Variants in TACR1 observed in about 807,000 individuals in gnomAD.
TACR1 encodes the protein substance-P receptor.
In TACR1, 25 loss-of-function variants were observed where a neutral mutation model predicts 35.8. The observed-to-expected ratio is 0.70, with a 90% CI of 0.51 to 0.98. The LOEUF is 0.98. Among genes scored for constraint, TACR1 ranks in the 50% least tolerant of loss-of-function variants. The pLI is 0.00. For missense variants in TACR1, 478 were observed against 522.9 expected, an observed-to-expected ratio of 0.91 and a Z score of 0.84; for synonymous variants, 195 against 206.7, an observed-to-expected ratio of 0.94 and a Z score of 0.48.
intron 1 of TACR1, among the ~76,000 whole-genome samples, chr2:75,141,539 A>AC (rs1172807841): frequency 1.3e-5 from 2 of 151,924 alleles, no homozygotes; most frequent in African/African-American, 4.8e-5. Context: ...GAAAAAAAAA[A>AC]AAACTCAAAG....
chr2:75,180,917 A>T (rs191858655), intron 1 of TACR1, among the ~76,000 whole-genome samples: 2 of 152,356 alleles, frequency 1.3e-5, no homozygotes, highest in African/African-American at 4.8e-5. Flanking sequence ...TGGATATTGC[A>T]GACATTTTAC....
At chr2:75,080,578 C>G (rs900129543) in intron 2 of TACR1, among the ~76,000 whole-genome samples, 1 of 152,174 alleles carries the variant, frequency 6.6e-6, no homozygotes, top group Non-Finnish European at 1.5e-5. Context: ...AGAGCCATCA[C>G]TTGGTTTAGG....
At chr2:75,187,178 C>G (rs78406986) in intron 1 of TACR1, 11,454 of 152,320 alleles carry the variant, frequency 0.075, 478 homozygotes, top group African/African-American at 0.098. Context: ...ACAGTCCCTT[C>G]TTAACATCCT....
intron 2 of TACR1, among the ~76,000 whole-genome samples, chr2:75,086,416 G>A (rs912840754): frequency 1.3e-5 from 2 of 152,192 alleles, no homozygotes; most frequent in African/African-American, 4.8e-5. Flanking sequence ...TATCATGCCT[G>A]TTTTATAAAG....
chr2:75,139,950 A>G (rs1186910688), intron 1 of TACR1, among the ~76,000 whole-genome samples: 1 of 152,356 alleles, frequency 6.6e-6, no homozygotes, highest in African/African-American at 2.4e-5. Context: ...CTAGGTGCAC[A>G]TCCAGGTTGT....
chr2:75,112,153 C>T (rs1019098599), intron 2 of TACR1, among the ~76,000 whole-genome samples: 1 of 151,904 alleles, frequency 6.6e-6, no homozygotes, highest in Non-Finnish European at 1.5e-5. Flanking sequence ...ACATACTAAA[C>T]ACAAAATTTT....
intron 2 of TACR1, among the ~76,000 whole-genome samples, chr2:75,103,635 A>G (rs1370854313): frequency 6.6e-6 from 1 of 152,174 alleles, no homozygotes; most frequent in Non-Finnish European, 1.5e-5. Context: ...TAAAAATTGC[A>G]AAGAATTTAT....
At chr2:75,153,975 G>T (rs549352611) in intron 1 of TACR1, among the ~76,000 whole-genome samples, 62 of 152,262 alleles carry the variant, frequency 4.1e-4, no homozygotes, top group African/African-American at 1.5e-3. Flanking sequence ...TCTCCATGAG[G>T]CCATTCACTT....
chr2:75,138,149 C>A (rs1194968853), intron 1 of TACR1, among the ~76,000 whole-genome samples: 1 of 152,292 alleles, frequency 6.6e-6, no homozygotes, highest in African/African-American at 2.4e-5. Flanking sequence ...AGATGGGACC[C>A]CCACCCATCA....
chr2:75,169,533 T>A (rs1675225727), intron 1 of TACR1, among the ~76,000 whole-genome samples: 1 of 152,238 alleles, frequency 6.6e-6, no homozygotes, highest in African/African-American at 2.4e-5. Context: ...GAGATCAGAA[T>A]AATTTTTGTT....
chr2:75,106,076 A>C (rs1673638688), intron 2 of TACR1, among the ~76,000 whole-genome samples: 1 of 152,068 alleles, frequency 6.6e-6, no homozygotes. Context: ...TATCAGACAT[A>C]AATACTAAGA....
chr2:75,146,903 A>T (rs3771834), intron 1 of TACR1, among the ~76,000 whole-genome samples: 1 of 152,014 alleles, frequency 6.6e-6, no homozygotes, highest in Admixed American at 6.5e-5. Context: ...GGCCTTGAAC[A>T]ATTTCCCCAT....
chr2:75,196,566 G>T (rs1675980790), intron 1 of TACR1, among the ~76,000 whole-genome samples: 1 of 152,114 alleles, frequency 6.6e-6, no homozygotes, highest in African/African-American at 2.4e-5. Context: ...CAGAGGGTCG[G>T]GGCTCTGCGG....
At chr2:75,176,012 CA>C (rs34884122) in intron 1 of TACR1, among the ~76,000 whole-genome samples, 23,911 of 109,030 alleles carry the variant, frequency 0.22, 1,604 homozygotes, top group East Asian at 0.44. Context: ...TTGAGCTGTC[CA>C]AAAAAAAAAA....
intron 2 of TACR1, among the ~76,000 whole-genome samples, chr2:75,057,338 C>G (rs1672588852): frequency 6.6e-6 from 1 of 152,152 alleles, no homozygotes. Context: ...TTTCCACTAC[C>G]TACCCAAATC....
intron 2 of TACR1, among the ~76,000 whole-genome samples, chr2:75,095,662 G>T (rs1218198096): frequency 6.6e-6 from 1 of 152,114 alleles, no homozygotes. Context: ...GGGGCTTTTG[G>T]GTCAGGAGAA....
At chr2:75,174,488 T>C (rs3771853) in intron 1 of TACR1, among the ~76,000 whole-genome samples, 98,239 of 152,046 alleles carry the variant, frequency 0.65, 32,321 homozygotes, top group African/African-American at 0.72. Flanking sequence ...AGTGGGACAG[T>C]GTGAAACTTC....
intron 1 of TACR1, among the ~76,000 whole-genome samples, chr2:75,186,309 T>G (rs2104065974): frequency 6.8e-6 from 1 of 147,504 alleles, no homozygotes; most frequent in South Asian, 2.1e-4. Context: ...GAGGCGGAAG[T>G]TGCAGTGAGC....
At chr2:75,106,084 A>C (rs1673638961) in intron 2 of TACR1, among the ~76,000 whole-genome samples, 1 of 152,068 alleles carries the variant, frequency 6.6e-6, no homozygotes, top group Non-Finnish European at 1.5e-5. Flanking sequence ...ATAAATACTA[A>C]GAAAAACTGA....
Sources: allele counts gnomAD v4.1 joint callset (sites outside exome capture counted in the v4.1 genomes callset), GRCh38; gene constraint gnomAD v4.1.1; transcripts MANE v1.5; gene names NCBI Gene and HGNC (gene_info 2026-07-23, HGNC 2026-07-21).